FBXW11: variants seen among roughly 807,000 people sequenced by gnomAD.
FBXW11 encodes F-box and WD repeat domain containing 11.
Under a neutral mutation model 77.6 loss-of-function variants are expected in FBXW11, and 19 were observed. That is an observed-to-expected ratio of 0.24 (90% CI 0.17 to 0.36). The LOEUF (loss-of-function observed/expected upper bound fraction) is 0.36. FBXW11 is among the 10% of genes least tolerant of loss of function. The pLI, the probability that FBXW11 is intolerant of heterozygous loss-of-function variation, is 1.00. For synonymous variants in FBXW11, 235 were observed against 249.4 expected, an observed-to-expected ratio of 0.94 and a Z score of 0.54; for missense variants, 334 against 704.2, an observed-to-expected ratio of 0.47 and a Z score of 5.95.
intron 2 of FBXW11, among the ~76,000 whole-genome samples, chr5:171,936,907 C>T (rs1216533297): frequency 1.3e-5 from 2 of 151,996 alleles, no homozygotes; most frequent in African/African-American, 4.8e-5. Flanking sequence ...GATAATAAAA[C>T]TAAAAGCAAT....
intron 1 of FBXW11, among the ~76,000 whole-genome samples, chr5:171,978,336 T>C: frequency 6.6e-6 from 1 of 152,200 alleles, no homozygotes; most frequent in Non-Finnish European, 1.5e-5. Flanking sequence ...ACATTGGCAC[T>C]TGAAACCTGT....
intron 2 of FBXW11, among the ~76,000 whole-genome samples, chr5:171,931,796 ATT>A (rs1286500506): frequency 4.9e-5 from 7 of 142,758 alleles, no homozygotes; most frequent in African/African-American, 8.1e-5. Context: ...TACAGAAACA[ATT>A]TCTCTCTCTC....
Position 171,872,922 on chromosome 5 carries a change from G to C in FBXW11, c.1290C>G (p.Leu430=), listed in dbSNP as rs1271987422. 6.2e-7 allele frequency: 1 copy of C among 1,614,008 alleles called. No individual in the cohort carries two copies. Among genetic ancestry groups the C allele is most frequent in the African/African-American group, 1.3e-5 (1 of 74,926 alleles). Residue 430 remains leucine (L), a synonymous_variant, in exon 10 of 14, where the codon CTC becomes CTG. Transcript: ENST00000517395. ...LNGHKRGIAC[L]QYRDRLVVSG... ...TAACAACCAGGCGATCCCTGTACTG[G>C]AGACAGGCAATGCCCCGCTTGTGCC...
intron 1 of FBXW11, among the ~76,000 whole-genome samples, chr5:171,979,057 C>T (rs1361995538): frequency 6.6e-6 from 1 of 152,074 alleles, no homozygotes; most frequent in East Asian, 1.9e-4. Context: ...AAACCTTTGG[C>T]TATATGAAAT....
intron 1 of FBXW11, among the ~76,000 whole-genome samples, chr5:172,004,867 G>GCGCA (rs1554112093): frequency 0.019 from 2,872 of 149,432 alleles, 92 homozygotes; most frequent in African/African-American, 0.066. Flanking sequence ...AACCCCACGT[G>GCGCA]CACACACACA....
chr5:171,882,112 C>T (rs145925202), intron 7 of FBXW11, among the ~76,000 whole-genome samples: 116 of 152,258 alleles, frequency 7.6e-4, no homozygotes, highest in African/African-American at 2.7e-3. Context: ...CTGCTTACTA[C>T]GGATTTAAAC....
chr5:171,929,645 A>T (rs1163850446), intron 2 of FBXW11, among the ~76,000 whole-genome samples: 2 of 151,964 alleles, frequency 1.3e-5, no homozygotes, highest in African/African-American at 4.8e-5. Flanking sequence ...AGGTCAGGAG[A>T]TCGAGACCAT....
chr5:171,988,842 C>T (rs1765584392), intron 1 of FBXW11, among the ~76,000 whole-genome samples: 1 of 143,540 alleles, frequency 7.0e-6, no homozygotes, highest in African/African-American at 2.6e-5. Context: ...GAGACTCCAC[C>T]TCAATAAATA....
intron 1 of FBXW11, among the ~76,000 whole-genome samples, chr5:171,982,290 A>ACG (rs1765191333): frequency 6.6e-6 from 1 of 151,978 alleles, no homozygotes; most frequent in Admixed American, 6.6e-5. Flanking sequence ...TTTTTTTGAG[A>ACG]CAGAGTTTTG....
At chr5:171,878,865 G>A (rs34084604) in intron 7 of FBXW11, among the ~76,000 whole-genome samples, 4 of 151,896 alleles carry the variant, frequency 2.6e-5, no homozygotes, top group African/African-American at 7.3e-5. Context: ...ACATGACAAC[G>A]TCTATTAAGA....
At chr5:171,889,663 G>A (rs372999824) in intron 7 of FBXW11, among the ~76,000 whole-genome samples, 1 of 152,026 alleles carries the variant, frequency 6.6e-6, no homozygotes, top group African/African-American at 2.4e-5. Flanking sequence ...GGGGCAGGTG[G>A]ATCACCTAAA....
At chr5:171,922,662 C>T (rs1460066371) in intron 2 of FBXW11, among the ~76,000 whole-genome samples, 2 of 152,154 alleles carry the variant, frequency 1.3e-5, no homozygotes, top group African/African-American at 4.8e-5. Flanking sequence ...TCTGCCATCT[C>T]ATAAAAATGT....
intron 1 of FBXW11, chr5:171,996,937 G>A: frequency 1.6e-6 from 2 of 1,289,688 alleles, no homozygotes; most frequent in Non-Finnish European, 2.0e-6. Flanking sequence ...AATGAATGGG[G>A]GTTTTCCCTT....
intron 1 of FBXW11, among the ~76,000 whole-genome samples, chr5:171,994,962 TG>T (rs1188112596): frequency 6.6e-6 from 1 of 152,130 alleles, no homozygotes; most frequent in Non-Finnish European, 1.5e-5. Context: ...CACTTGAACC[TG>T]GGAGGCAAAG....
chr5:171,900,405 C>T (rs1760035448), intron 4 of FBXW11, among the ~76,000 whole-genome samples: 1 of 152,150 alleles, frequency 6.6e-6, no homozygotes, highest in African/African-American at 2.4e-5. Flanking sequence ...ATAACTCTCA[C>T]AGCACTCCTA....
intron 5 of FBXW11, 58 bp from the exon 6 acceptor site, chr5:171,899,152 C>T: frequency 9.1e-7 from 1 of 1,102,166 alleles, no homozygotes; most frequent in East Asian, 2.4e-5. Context: ...TGAATTTTAT[C>T]TAAACATGGT....
At position 171,949,773 on chromosome 5, in the gene FBXW11, A is replaced by G. The variant is rs1763205427; in HGVS notation, c.147+7824T>C. Among the ~76,000 whole-genome samples, 3 of 152,198 alleles carry G rather than the reference A, an allele frequency of 2.0e-5. No individual in the cohort carries two copies. The South Asian group carries it at 6.2e-4, about 31-fold the overall frequency. ...CCATTAGCAATTAAATGTACATTAT[A>G]ACAAGATACCATTTCTGCATTTTCA... On this transcript the variant is annotated intron_variant, in intron 2 of 13. Coordinates refer to ENST00000517395, the MANE Select transcript of FBXW11 (RefSeq NM_001378974.1).
chr5:172,005,628 C>T (rs1766698141), intron 1 of FBXW11, among the ~76,000 whole-genome samples: 1 of 152,028 alleles, frequency 6.6e-6, no homozygotes, highest in Non-Finnish European at 1.5e-5. Flanking sequence ...TGGTCGCTTC[C>T]CCCGGGGGCC....
rs1381401698 is a variant in FBXW11, at chr5:171,943,656, G to A, written c.147+13941C>T. ...AGTAAAGACAGGGTTTCACCAAGTC[G>A]GACAGGATGGTCTCAATCTCCTGAC... On this transcript the variant is annotated intron_variant, in intron 2 of 13. Coordinates refer to ENST00000517395, the MANE Select transcript of FBXW11 (RefSeq NM_001378974.1). 3.3e-5 allele frequency among the ~76,000 whole-genome samples: 5 copies of A among 152,200 alleles called. No homozygotes were observed. In the South Asian group the frequency reaches 6.2e-4, roughly 19 times the overall value.
Sources: allele counts gnomAD v4.1 joint callset (sites outside exome capture counted in the v4.1 genomes callset), GRCh38; gene constraint gnomAD v4.1.1; transcripts MANE v1.5; gene names NCBI Gene and HGNC (gene_info 2026-07-23, HGNC 2026-07-21).